ANK1: variants seen among roughly 807,000 people sequenced by gnomAD.
ANK1 encodes the protein ankyrin 1.
A neutral mutation model predicts 210.4 loss-of-function variants in ANK1; 51 were observed. The observed-to-expected ratio is 0.24, with a 90% CI of 0.19 to 0.31. The LOEUF is 0.31. ANK1 is among the 10% of genes least tolerant of loss of function. ANK1 has a pLI of 1.00. For synonymous variants in ANK1, 967 were observed against 1,025.9 expected (o/e 0.94, Z 1.10); for missense variants, 2,051 against 2,504.4 (o/e 0.82, Z 3.86).
chr8:41,815,427 C>G (rs1404619516), intron 1 of ANK1, among the ~76,000 whole-genome samples: 3 of 152,020 alleles, frequency 2.0e-5, no homozygotes, highest in African/African-American at 7.2e-5. Context: ...ATTTTAAAAA[C>G]CGTTATAATA....
chr8:41,698,954 G>A (rs944059696), intron 23 of ANK1, among the ~76,000 whole-genome samples: 9 of 151,684 alleles, frequency 5.9e-5, no homozygotes, highest in African/African-American at 9.7e-5. Flanking sequence ...GTGCTGCCAC[G>A]CTCAGCTATT....
chr8:41,822,116 A>AGAGAG (rs1804470344), intron 1 of ANK1, among the ~76,000 whole-genome samples: 4 of 29,030 alleles, frequency 1.4e-4, no homozygotes, highest in East Asian at 1.2e-3. Context: ...GAGAGAGAGA[A>AGAGAG]AGAAAGAGAA....
In ANK1 at chr8:41,717,063, C is replaced by G. The variant is rs577922858; in HGVS notation, c.1306-12G>C. 13 of 1,613,734 alleles carry G rather than the reference C, an allele frequency of 8.1e-6. No homozygotes were observed. The South Asian group carries it at 1.3e-4, about 16-fold the overall frequency. On this transcript the variant is annotated splice_polypyrimidine_tract_variant and intron_variant, in intron 12 of 42. Transcript: ENST00000289734. ...GGGGTCTCCACTTTCTATAAAATAA[C>G]AAAATTATAGAACTGTTCATACATG...
intron 38 of ANK1, among the ~76,000 whole-genome samples, chr8:41,668,793 G>A (rs1294573462): frequency 3.9e-5 from 6 of 152,184 alleles, no homozygotes; most frequent in Non-Finnish European, 8.8e-5. Context: ...TGTCCAGGTG[G>A]AAAGGCCACT....
At chr8:41,702,211 T>G in intron 20 of ANK1, 67 bp from the exon 21 acceptor site, 1 of 1,340,354 alleles carries the variant, frequency 7.5e-7, no homozygotes, top group South Asian at 1.2e-5. Flanking sequence ...GCTGGCTCCC[T>G]AGACACAGAT....
exon 1 of ANK1, chr8:41,896,597 G>A: frequency 7.6e-7 from 1 of 1,313,832 alleles, no homozygotes. Context: ...GACAGCGTTC[G>A]TGGCGCCCCG....
At chr8:41,887,513 C>T (rs553402848) in intron 1 of ANK1, among the ~76,000 whole-genome samples, 2 of 152,244 alleles carry the variant, frequency 1.3e-5, no homozygotes, top group East Asian at 1.9e-4. Context: ...CCTGCCTCGG[C>T]CTCCCAAAAT....
At chr8:41,747,116 C>T (rs1049859169) in intron 2 of ANK1, among the ~76,000 whole-genome samples, 2 of 152,042 alleles carry the variant, frequency 1.3e-5, no homozygotes, top group African/African-American at 4.8e-5. Context: ...AGTAATATGC[C>T]AAGATTCATA....
In ANK1 at chr8:41,797,260, T is replaced by C. The variant is rs995004224; in HGVS notation, c.27+252A>G. 1.3e-5 allele frequency among the ~76,000 whole-genome samples: 2 copies of C among 152,196 alleles called. No homozygotes were observed. The highest frequency in any genetic ancestry group is 6.5e-5 in the Admixed American group (1 of 15,284). On this transcript the variant is annotated intron_variant, in intron 1 of 42. Coordinates refer to ENST00000289734, the MANE Select transcript of ANK1 (RefSeq NM_000037.4). This position sits in a 1 kb window ranked among gnomAD's most constrained non-coding sequence, Gnocchi z 4.0. ...GGACATAATTCAGAGACCCAGGTAG[T>C]TGGAACTCAATTTGACAGCAAATCT... is the stretch of plus-strand genomic sequence containing the variant.
chr8:41,679,729 AT>A (rs1375926380), intron 37 of ANK1, among the ~76,000 whole-genome samples: 5 of 149,394 alleles, frequency 3.3e-5, no homozygotes, highest in Admixed American at 6.7e-5. Flanking sequence ...CGCCAGGCTA[AT>A]TTTTTTTGTA....
intron 1 of ANK1, among the ~76,000 whole-genome samples, chr8:41,838,485 G>A (rs1184103635): frequency 6.6e-6 from 1 of 152,220 alleles, no homozygotes; most frequent in Non-Finnish European, 1.5e-5. Context: ...GTAACAATGG[G>A]CTGGGCATGG....
intron 1 of ANK1, among the ~76,000 whole-genome samples, chr8:41,802,945 GA>G (rs1401876914): frequency 0.035 from 852 of 24,348 alleles, 16 homozygotes; most frequent in African/African-American, 0.046. Flanking sequence ...AAGGGAGAGA[GA>G]AAGGGGGGGG....
At chr8:41,841,653 A>T (rs1279104996) in intron 1 of ANK1, among the ~76,000 whole-genome samples, 23 of 152,238 alleles carry the variant, frequency 1.5e-4, no homozygotes, top group Admixed American at 1.5e-3. Context: ...AGGTGTGTGC[A>T]GATGTCCAAA....
chr8:41,660,045 CT>C (rs889888197), intron 42 of ANK1, among the ~76,000 whole-genome samples: 3 of 152,082 alleles, frequency 2.0e-5, no homozygotes, highest in Non-Finnish European at 4.4e-5. Flanking sequence ...CCCTTTGCTG[CT>C]TTTAAACATT....
At chr8:41,757,814 G>C (rs1334675185) in intron 2 of ANK1, among the ~76,000 whole-genome samples, 2 of 152,240 alleles carry the variant, frequency 1.3e-5, no homozygotes, top group East Asian at 3.8e-4. Context: ...GGATCTGTGC[G>C]GGCCTCGCCC....
chr8:41,669,561 C>A (rs1262146227), intron 38 of ANK1, among the ~76,000 whole-genome samples: 2 of 152,196 alleles, frequency 1.3e-5, no homozygotes, highest in African/African-American at 2.4e-5. Flanking sequence ...CACTCAAAAT[C>A]TTCTCCCCTA....
chr8:41,774,511 G>C (rs1168276174), intron 1 of ANK1, among the ~76,000 whole-genome samples: 9 of 152,252 alleles, frequency 5.9e-5, no homozygotes, highest in Admixed American at 5.9e-4. Context: ...CCCAGGGCCA[G>C]GGCCGTGCTG....
chr8:41,696,121 C>T (rs1820859283), intron 26 of ANK1, among the ~76,000 whole-genome samples: 1 of 152,222 alleles, frequency 6.6e-6, no homozygotes, highest in Non-Finnish European at 1.5e-5. Context: ...AACTCCTGGC[C>T]TCAAGCGATG....
chr8:41,694,577 G>C lies in ANK1; in HGVS notation c.3327+15C>G. ...CAGTCCACCCCCAGGACCTGGCGGGGAGGAGGGCTGTCACCTGCAGAGCCA... is the reference window on the plus strand; with the variant it reads ...CAGTCCACCCCCAGGACCTGGCGGGCAGGAGGGCTGTCACCTGCAGAGCCA... On this transcript the variant is annotated intron_variant, in intron 28 of 42. Transcript: ENST00000289734. This position sits in a 1 kb window ranked among gnomAD's most constrained non-coding sequence, Gnocchi z 5.7. 1 of 1,610,696 alleles carries C rather than the reference G, an allele frequency of 6.2e-7. No individual in the cohort carries two copies. Among genetic ancestry groups the C allele is most frequent in the Non-Finnish European group, 8.5e-7 (1 of 1,179,138 alleles).
Sources: gnomAD v4.1 joint callset for allele counts (sites outside exome capture counted in the v4.1 genomes callset) on GRCh38, gnomAD v4.1.1 for gene constraint, Gnocchi (gnomAD v3.1) non-coding constraint, MANE v1.5 for transcripts, NCBI Gene and HGNC (gene_info 2026-07-23, HGNC 2026-07-21) for gene names.